The following MYO3A variants were observed in gnomAD, a reference collection of about 807,000 sequenced individuals.
MYO3A encodes myosin IIIA, also known as myosin-IIIa.
MYO3A carries 180 observed loss-of-function variants against 192.7 expected under a neutral mutation model. That is an observed-to-expected ratio of 0.93 (90% CI 0.83 to 1.06). The LOEUF is 1.06. MYO3A is among the 50% of genes least tolerant of loss of function. MYO3A has a pLI of 0.00. For missense variants in MYO3A, 1,896 were observed against 1,905.0 expected (o/e 1.00, Z 0.09); for synonymous variants, 628 against 645.3 (o/e 0.97, Z 0.41).
At chr10:25,981,428 A>G (rs1438199867) in intron 4 of MYO3A, among the ~76,000 whole-genome samples, 1 of 152,220 alleles carries the variant, frequency 6.6e-6, no homozygotes, top group Non-Finnish European at 1.5e-5. Context: ...AAAAAGGCAC[A>G]TTTTATGAAT....
intron 4 of MYO3A, among the ~76,000 whole-genome samples, chr10:25,963,279 G>A (rs987748339): frequency 1.3e-5 from 2 of 152,044 alleles, no homozygotes; most frequent in Non-Finnish European, 2.9e-5. Flanking sequence ...GCACATTTTC[G>A]GTCATCAAAG....
intron 10 of MYO3A, among the ~76,000 whole-genome samples, chr10:26,045,954 G>A (rs529407014): frequency 6.6e-6 from 1 of 152,302 alleles, no homozygotes; most frequent in South Asian, 2.1e-4. Flanking sequence ...GCAGGAAGGT[G>A]AATAAGAACT....
At chr10:26,057,301 G>A (rs556992921) in intron 10 of MYO3A, among the ~76,000 whole-genome samples, 98 of 152,228 alleles carry the variant, frequency 6.4e-4, no homozygotes, top group African/African-American at 2.3e-3. Flanking sequence ...TGGACCCGGT[G>A]GAAAGGAAGC....
intron 6 of MYO3A, among the ~76,000 whole-genome samples, chr10:26,012,890 A>G (rs1841758740): frequency 6.6e-6 from 1 of 152,122 alleles, no homozygotes; most frequent in South Asian, 2.1e-4. Flanking sequence ...CAAGGCTGTA[A>G]TTACCAAAAC....
At chr10:25,941,136 G>A (rs910514296) in intron 2 of MYO3A, among the ~76,000 whole-genome samples, 2 of 152,208 alleles carry the variant, frequency 1.3e-5, no homozygotes, top group African/African-American at 2.4e-5. Flanking sequence ...ATATCTGAAA[G>A]CCAAATAGGG....
chr10:26,011,636 CA>C (rs1437488114), intron 6 of MYO3A, among the ~76,000 whole-genome samples: 1 of 151,828 alleles, frequency 6.6e-6, no homozygotes, highest in African/African-American at 2.4e-5. Flanking sequence ...AAACTGTCAA[CA>C]AAAAAAGTCC....
intron 17 of MYO3A, among the ~76,000 whole-genome samples, chr10:26,100,806 T>A (rs1235682504): frequency 6.6e-6 from 1 of 152,200 alleles, no homozygotes; most frequent in Non-Finnish European, 1.5e-5. Context: ...GAGGAGTGCT[T>A]TACTTCCAAC....
intron 10 of MYO3A, among the ~76,000 whole-genome samples, chr10:26,048,232 T>C (rs1217665306): frequency 1.3e-5 from 2 of 152,178 alleles, no homozygotes; most frequent in Non-Finnish European, 2.9e-5. Context: ...CCTAATCTTG[T>C]TTGCTTTCCC....
intron 10 of MYO3A, among the ~76,000 whole-genome samples, chr10:26,027,126 A>G (rs61848910): frequency 0.064 from 9,690 of 152,246 alleles, 404 homozygotes; most frequent in Non-Finnish European, 0.086. Flanking sequence ...AAAAACCATA[A>G]AACTTGAAAG....
At chr10:26,101,019 G>A (rs1328742083) in intron 17 of MYO3A, among the ~76,000 whole-genome samples, 1 of 152,176 alleles carries the variant, frequency 6.6e-6, no homozygotes, top group Non-Finnish European at 1.5e-5. Flanking sequence ...CATTATTAAT[G>A]TGTGGGAGTC....
chr10:25,948,164 A>G (rs1217432929), intron 2 of MYO3A, among the ~76,000 whole-genome samples: 2 of 152,200 alleles, frequency 1.3e-5, no homozygotes, highest in African/African-American at 4.8e-5. Flanking sequence ...CAGAGGGAAC[A>G]CAGATAACCC....
intron 31 of MYO3A, among the ~76,000 whole-genome samples, chr10:26,184,780 C>G (rs547312260): frequency 6.6e-6 from 1 of 152,168 alleles, no homozygotes; most frequent in Non-Finnish European, 1.5e-5. Context: ...CCACGCACAA[C>G]CCACAAAATA....
intron 17 of MYO3A, among the ~76,000 whole-genome samples, chr10:26,105,980 A>G (rs908615789): frequency 2.0e-5 from 3 of 152,022 alleles, no homozygotes; most frequent in African/African-American, 4.8e-5. Context: ...TTAGCCATCA[A>G]TCTATGTTTT....
intron 25 of MYO3A, among the ~76,000 whole-genome samples, chr10:26,155,562 T>C (rs560665386): frequency 1.3e-5 from 2 of 152,296 alleles, no homozygotes; most frequent in African/African-American, 2.4e-5. Context: ...GGAAATTAGA[T>C]TAAATTTACT....
At chr10:26,116,183 C>T (rs898922748) in intron 17 of MYO3A, among the ~76,000 whole-genome samples, 3 of 152,172 alleles carry the variant, frequency 2.0e-5, no homozygotes, top group Non-Finnish European at 2.9e-5. Flanking sequence ...GTTGACAGCA[C>T]AGGAGGCTCA....
At chr10:25,963,183 T>C (rs1376794664) in intron 4 of MYO3A, among the ~76,000 whole-genome samples, 1 of 152,182 alleles carries the variant, frequency 6.6e-6, no homozygotes, top group Non-Finnish European at 1.5e-5. Flanking sequence ...TGAAATTATA[T>C]CCTTTTCAGG....
chr10:26,020,222 A>G (rs570668045), intron 7 of MYO3A, among the ~76,000 whole-genome samples: 24 of 151,534 alleles, frequency 1.6e-4, no homozygotes, highest in African/African-American at 5.8e-4. Context: ...CTCTATCCCA[A>G]CTCCTTGCCT....
At chr10:25,990,276 T>A (rs1839929735) in intron 4 of MYO3A, among the ~76,000 whole-genome samples, 1 of 152,080 alleles carries the variant, frequency 6.6e-6, no homozygotes, top group East Asian at 1.9e-4. Context: ...TTCTAAGATA[T>A]TATTTGTAAT....
intron 11 of MYO3A, 59 bp from the exon 12 acceptor site, chr10:26,068,709 A>T: frequency 8.8e-7 from 1 of 1,140,940 alleles, no homozygotes; most frequent in Non-Finnish European, 1.3e-6. Flanking sequence ...TTTACTTTTT[A>T]AATTGTAGTT....
Sources: gnomAD v4.1 joint callset for allele counts (sites outside exome capture counted in the v4.1 genomes callset) on GRCh38, gnomAD v4.1.1 for gene constraint, MANE v1.5 for transcripts, NCBI Gene and HGNC (gene_info 2026-07-23, HGNC 2026-07-21) for gene names.